Variants in MICAL3 observed in about 807,000 individuals in gnomAD.
MICAL3 encodes the protein [F-actin]-monooxygenase MICAL3.
Under a neutral mutation model 207.4 loss-of-function variants are expected in MICAL3, and 62 were observed. That is an observed-to-expected ratio of 0.30 (90% CI 0.24 to 0.37). MICAL3 has a LOEUF of 0.37. Among genes scored for constraint, MICAL3 ranks in the 10% least tolerant of loss-of-function variants. The probability of loss-of-function intolerance (pLI) is 1.00; values close to 1 mark genes in which losing one functional copy is unlikely to be tolerated. For synonymous variants in MICAL3, 1,077 were observed against 1,069.3 expected (o/e 1.01, Z -0.14); for missense variants, 2,368 against 2,635.6 (o/e 0.90, Z 2.22).
intron 1 of MICAL3, among the ~76,000 whole-genome samples, chr22:17,999,168 C>A (rs926283551): frequency 2.0e-5 from 3 of 152,198 alleles, no homozygotes; most frequent in African/African-American, 7.2e-5. Context: ...CAACCAAAAT[C>A]CTCACCTGCA....
chr22:17,996,518 T>G (rs1922295425), intron 1 of MICAL3, among the ~76,000 whole-genome samples: 1 of 152,010 alleles, frequency 6.6e-6, no homozygotes, highest in African/African-American at 2.4e-5. Flanking sequence ...CCAGTTTTTT[T>G]GTGTCTTTAT....
intron 1 of MICAL3, among the ~76,000 whole-genome samples, chr22:17,992,620 G>C (rs1921812340): frequency 6.6e-6 from 1 of 152,108 alleles, no homozygotes; most frequent in African/African-American, 2.4e-5. Context: ...CTGCTCCCTG[G>C]CTCCCTGAGG....
chr22:17,863,988 G>A (rs1926793397), intron 19 of MICAL3: 1 of 985,350 alleles, frequency 1.0e-6, no homozygotes, highest in Admixed American at 6.1e-5. Context: ...GCCCCCTCTT[G>A]CCACAGTGAC....
At chr22:17,917,072 G>A (rs181230595) in intron 1 of MICAL3, among the ~76,000 whole-genome samples, 44 of 152,216 alleles carry the variant, frequency 2.9e-4, no homozygotes, top group African/African-American at 1.0e-3. Flanking sequence ...GGTGCCCACT[G>A]TATTGACTTC....
chr22:18,016,451 G>C (rs982672029), intron 1 of MICAL3, among the ~76,000 whole-genome samples: 1 of 151,968 alleles, frequency 6.6e-6, no homozygotes, highest in African/African-American at 2.4e-5. Flanking sequence ...AACAACTATA[G>C]ACAGGTCACT....
chr22:17,876,710 T>TAGGGAGGTTATGGAGGTG (rs1928397536), intron 16 of MICAL3: 1 of 149,456 alleles, frequency 6.7e-6, no homozygotes, highest in African/African-American at 2.5e-5. Context: ...TTATGGAGGT[T>TAGGGAGGTTATGGAGGTG]AGGGAGGTTA....
intron 19 of MICAL3, among the ~76,000 whole-genome samples, chr22:17,856,687 T>C (rs1490494092): frequency 2.3e-5 from 3 of 133,176 alleles, no homozygotes; most frequent in Non-Finnish European, 3.1e-5. Context: ...AGTGGCGCAA[T>C]CTCGGCTCAC....
Position 17,904,625 on chromosome 22 carries a change from T to C in MICAL3, c.472+7A>G. Reference sequence around the variant, plus strand: ...TGGAATCTTACAGGAAAGCTAGTTTTACTTACTGATATGGTCGATGGCTCC... The same window carrying C: ...TGGAATCTTACAGGAAAGCTAGTTTCACTTACTGATATGGTCGATGGCTCC... On this transcript the variant is annotated splice_region_variant and intron_variant, in intron 3 of 31. Coordinates refer to ENST00000441493, the MANE Select transcript of MICAL3 (RefSeq NM_015241.3). 6.2e-7 allele frequency: 1 copy of C among 1,609,272 alleles called. No individual in the cohort carries two copies. Among genetic ancestry groups the C allele is most frequent in the Non-Finnish European group, 8.5e-7 (1 of 1,176,304 alleles).
At chr22:17,859,101 C>T (rs1393322767) in intron 19 of MICAL3, among the ~76,000 whole-genome samples, 5 of 152,096 alleles carry the variant, frequency 3.3e-5, no homozygotes, top group East Asian at 3.9e-4. Context: ...CAGGAGACAC[C>T]GCCCAGACTC....
intron 1 of MICAL3, among the ~76,000 whole-genome samples, chr22:17,987,583 C>T (rs1468301092): frequency 6.6e-6 from 1 of 152,200 alleles, no homozygotes; most frequent in Non-Finnish European, 1.5e-5. Context: ...ACCTACCCAC[C>T]TGTATGGAAC....
At position 17,872,041 on chromosome 22, in the gene MICAL3, C is replaced by T. The variant is rs762808790; in HGVS notation, c.2242-18G>A. On this transcript the variant is annotated intron_variant, in intron 16 of 31. Transcript: ENST00000441493. ...ATGGAGCCCTGCAGGAGGTGGCGGT[C>T]GGGAGGAAGGGGAGCACCTCAGGGA... 2.9e-5 allele frequency: 46 copies of T among 1,582,900 alleles called. No homozygotes were observed. The South Asian group carries it at 3.2e-4, about 11-fold the overall frequency.
Position 17,793,066 on chromosome 22 carries a change from G to A in MICAL3, c.5651-1765C>T, listed in dbSNP as rs571755897. On this transcript the variant is annotated intron_variant, in intron 29 of 31. Transcript: ENST00000441493. The surrounding 1 kb of genome is among the most constrained non-coding windows in gnomAD (Gnocchi z 4.1). ...ACAGAAAATGCCACCGGAGACGTGC[G>A]GACAGCGCTCACTAGCTATGGAGAG... is the stretch of plus-strand genomic sequence containing the variant. 6.6e-6 allele frequency among the ~76,000 whole-genome samples: 1 copy of A among 152,270 alleles called. No homozygotes were observed. The highest frequency in any genetic ancestry group is 2.4e-5 in the African/African-American group (1 of 41,564).
At chr22:17,832,224 G>T in intron 20 of MICAL3, 117 bp from the exon 21 acceptor site, 1 of 1,297,944 alleles carries the variant, frequency 7.7e-7, no homozygotes. Context: ...CTGAGCAGGC[G>T]GAGAGAGACA....
chr22:17,928,670 G>A (rs1426200071), intron 1 of MICAL3, among the ~76,000 whole-genome samples: 1 of 152,154 alleles, frequency 6.6e-6, no homozygotes, highest in South Asian at 2.1e-4. Flanking sequence ...GCCCTGATAC[G>A]ATGAACAACC....
chr22:17,812,371 T>G (rs2062057859), intron 27 of MICAL3: 2 of 226,494 alleles, frequency 8.8e-6, no homozygotes, highest in South Asian at 3.2e-4. Context: ...GAAGTACTGC[T>G]GCCAGTGTGT....
chr22:17,962,411 G>C (rs1934952633), intron 1 of MICAL3, among the ~76,000 whole-genome samples: 1 of 152,152 alleles, frequency 6.6e-6, no homozygotes. Flanking sequence ...GCGCTGCACA[G>C]GCAGGCAGCT....
chr22:17,832,315 A>C (rs1922889265), intron 20 of MICAL3, among the ~76,000 whole-genome samples: 1 of 152,172 alleles, frequency 6.6e-6, no homozygotes, highest in African/African-American at 2.4e-5. Flanking sequence ...TAAGGGGACA[A>C]AGGGAAGAAT....
At chr22:17,805,323 C>T (rs186580529) in intron 29 of MICAL3, among the ~76,000 whole-genome samples, 3 of 152,100 alleles carry the variant, frequency 2.0e-5, no homozygotes, top group East Asian at 3.9e-4. Flanking sequence ...GCTTCAGAGA[C>T]GGCATCGGCC....
At chr22:17,982,120 A>C (rs1323356342) in intron 1 of MICAL3, among the ~76,000 whole-genome samples, 1 of 152,128 alleles carries the variant, frequency 6.6e-6, no homozygotes, top group Non-Finnish European at 1.5e-5. Flanking sequence ...ATAAAAAAAA[A>C]AAAATTAATA....
Sources: allele counts gnomAD v4.1 joint callset (sites outside exome capture counted in the v4.1 genomes callset), GRCh38; gene constraint gnomAD v4.1.1; non-coding constraint Gnocchi (gnomAD v3.1); transcripts MANE v1.5; gene names NCBI Gene and HGNC (gene_info 2026-07-23, HGNC 2026-07-21).